The following VOPP1 variants were observed in gnomAD, a reference collection of about 807,000 sequenced individuals.
The protein encoded by VOPP1 is VOPP1 WW domain binding protein.
VOPP1 carries 8 observed loss-of-function variants against 23.5 expected under a neutral mutation model. The ratio of observed to expected loss-of-function variants is 0.34; its 90% CI spans 0.20 to 0.61. The LOEUF (loss-of-function observed/expected upper bound fraction) is 0.61. Ranked by LOEUF, VOPP1 falls within the 20% of genes least tolerant of loss-of-function variation. VOPP1 has a pLI of 0.78. For synonymous variants in VOPP1, 83 were observed against 97.3 expected, an observed-to-expected ratio of 0.85 and a Z score of 0.86; for missense variants, 174 against 238.1, an observed-to-expected ratio of 0.73 and a Z score of 1.77.
chr7:55,507,733 C>T (rs1015454143), intron 2 of VOPP1, among the ~76,000 whole-genome samples: 7 of 152,308 alleles, frequency 4.6e-5, no homozygotes, highest in African/African-American at 1.7e-4. Flanking sequence ...GAATTGTCCT[C>T]CTGGCCTGAC....
intron 1 of VOPP1, among the ~76,000 whole-genome samples, chr7:55,546,400 T>C (rs1219619988): frequency 6.6e-6 from 1 of 152,198 alleles, no homozygotes; most frequent in African/African-American, 2.4e-5. Context: ...GCAAGAAGTT[T>C]TGGCAAAACT....
intron 4 of VOPP1, among the ~76,000 whole-genome samples, chr7:55,458,322 T>C (rs981862935): frequency 5.3e-5 from 8 of 152,154 alleles, no homozygotes; most frequent in African/African-American, 1.7e-4. Flanking sequence ...TGGGTTACCA[T>C]AGCCCTGTAA....
chr7:55,537,752 A>T (rs1796885862), intron 1 of VOPP1: 1 of 1,382,654 alleles, frequency 7.2e-7, no homozygotes, highest in Admixed American at 2.9e-5. Flanking sequence ...TGTGAAAAGC[A>T]GGTCCGGCCC....
chr7:55,536,934 C>T (rs1407396854), intron 1 of VOPP1, among the ~76,000 whole-genome samples: 4 of 152,150 alleles, frequency 2.6e-5, no homozygotes, highest in South Asian at 4.1e-4. Context: ...CCGCATGAAA[C>T]GCAGAGCTCT....
chr7:55,556,574 A>G (rs893159731), intron 1 of VOPP1, among the ~76,000 whole-genome samples: 1 of 151,938 alleles, frequency 6.6e-6, no homozygotes, highest in Non-Finnish European at 1.5e-5. Flanking sequence ...AACTTCACAC[A>G]TTGGGGCTTT....
intron 2 of VOPP1, among the ~76,000 whole-genome samples, chr7:55,500,457 C>T (rs772303991): frequency 6.6e-6 from 1 of 152,194 alleles, no homozygotes; most frequent in Non-Finnish European, 1.5e-5. Context: ...CAAATCAATT[C>T]GGAGGACTCC....
rs1384256522 is a variant in VOPP1, at chr7:55,515,934, A to G, written c.113+5138T>C. 3 of 983,058 alleles carry G rather than the reference A, an allele frequency of 3.1e-6. No individual in the cohort carries two copies. In the African/African-American group the frequency reaches 5.3e-5, roughly 17 times the overall value. 60.9% of individuals were successfully genotyped at this position (983,058 alleles called of 1,614,324 possible). A position where few individuals can be genotyped will look rare whatever the true frequency, so the allele number is the denominator to read the frequency against. On this transcript the variant is annotated intron_variant, in intron 2 of 4. Coordinates refer to ENST00000285279, the MANE Select transcript of VOPP1 (RefSeq NM_030796.5). ...AGGACATGCTCCTCGGTCAGTTCCT[A>G]CCTTTATCTTCTCATCTCTGGGCTC...
At chr7:55,567,324 G>C (rs1798195611) in intron 1 of VOPP1, among the ~76,000 whole-genome samples, 1 of 152,230 alleles carries the variant, frequency 6.6e-6, no homozygotes, top group Non-Finnish European at 1.5e-5. Flanking sequence ...ATATTTTAAA[G>C]ATAGTTATGG....
At chr7:55,482,309 T>C (rs1204816384) in intron 4 of VOPP1, among the ~76,000 whole-genome samples, 1 of 151,580 alleles carries the variant, frequency 6.6e-6, no homozygotes, top group East Asian at 1.9e-4. Flanking sequence ...AAGAACCTCC[T>C]GCTACTGCCT....
chr7:55,538,875 C>T (rs917889515), intron 1 of VOPP1, among the ~76,000 whole-genome samples: 2 of 150,886 alleles, frequency 1.3e-5, no homozygotes, highest in African/African-American at 4.9e-5. Context: ...ATGATCCCAT[C>T]TGTGTACTTT....
intron 2 of VOPP1, among the ~76,000 whole-genome samples, chr7:55,508,772 C>A (rs1332545213): frequency 6.6e-6 from 1 of 152,182 alleles, no homozygotes; most frequent in East Asian, 1.9e-4. Flanking sequence ...CCAGAAACCA[C>A]CTTCTCTGGA....
At chr7:55,463,409 T>C (rs939999180) in intron 4 of VOPP1, among the ~76,000 whole-genome samples, 21 of 152,242 alleles carry the variant, frequency 1.4e-4, no homozygotes, top group Non-Finnish European at 2.9e-4. Context: ...CTTCTTTCAA[T>C]TTTATGGATT....
chr7:55,497,452 G>A (rs1049069490), intron 3 of VOPP1, among the ~76,000 whole-genome samples, 161 bp downstream of exon 3: 1 of 151,816 alleles, frequency 6.6e-6, no homozygotes, highest in Non-Finnish European at 1.5e-5. Flanking sequence ...TGCAACTGCC[G>A]GTCATGAAGC....
At chr7:55,489,024 A>T (rs1271720060) in intron 4 of VOPP1, among the ~76,000 whole-genome samples, 1 of 152,240 alleles carries the variant, frequency 6.6e-6, no homozygotes, top group Non-Finnish European at 1.5e-5. Context: ...CTGAGCAGAC[A>T]GCTGCAGCAG....
intron 2 of VOPP1, among the ~76,000 whole-genome samples, chr7:55,499,783 T>G (rs1325772810): frequency 6.6e-6 from 1 of 152,136 alleles, no homozygotes; most frequent in African/African-American, 2.4e-5. Flanking sequence ...GTTCCACGGC[T>G]GCATGCTGGA....
chr7:55,547,788 C>T (rs1181516520), intron 1 of VOPP1, among the ~76,000 whole-genome samples: 1 of 152,188 alleles, frequency 6.6e-6, no homozygotes, highest in Non-Finnish European at 1.5e-5. Context: ...CCCTCTTCCC[C>T]GCCATATCTT....
chr7:55,479,320 A>G (rs1414095912), intron 4 of VOPP1, among the ~76,000 whole-genome samples: 1 of 113,590 alleles, frequency 8.8e-6, no homozygotes, highest in Non-Finnish European at 1.8e-5. Flanking sequence ...CCCACCCCAC[A>G]ACAGTCCCCA....
intron 1 of VOPP1, among the ~76,000 whole-genome samples, chr7:55,566,765 G>A (rs1798176124): frequency 6.6e-6 from 1 of 152,172 alleles, no homozygotes; most frequent in Non-Finnish European, 1.5e-5. Context: ...TTCAGATATT[G>A]AGGACATCCT....
At chr7:55,439,077 C>A (rs577462715) in intron 4 of VOPP1, among the ~76,000 whole-genome samples, 3 of 151,894 alleles carry the variant, frequency 2.0e-5, no homozygotes, top group East Asian at 3.9e-4. Context: ...TAGAGGCGGG[C>A]GAGTCTGGAG....
Sources: gnomAD v4.1 joint callset for allele counts (sites outside exome capture counted in the v4.1 genomes callset) on GRCh38, gnomAD v4.1.1 for gene constraint, MANE v1.5 for transcripts, NCBI Gene and HGNC (gene_info 2026-07-23, HGNC 2026-07-21) for gene names.